The following MTMR6 variants were observed in gnomAD, a reference collection of about 807,000 sequenced individuals.
MTMR6 encodes myotubularin related protein 6, also known as phosphatidylinositol-3,5-bisphosphate 3-phosphatase MTMR6.
MTMR6 carries 47 observed loss-of-function variants against 80.1 expected under a neutral mutation model. That is an observed-to-expected ratio of 0.59 (90% CI 0.46 to 0.75). MTMR6 has a LOEUF of 0.75. Among genes scored for constraint, MTMR6 ranks in the 30% least tolerant of loss-of-function variants. The pLI is 0.00. For missense variants in MTMR6, 629 were observed against 730.9 expected, an observed-to-expected ratio of 0.86 and a Z score of 1.61; for synonymous variants, 254 against 253.0, an observed-to-expected ratio of 1.00 and a Z score of -0.04.
chr13:25,254,174 A>G (rs1416032996), intron 10 of MTMR6, among the ~76,000 whole-genome samples: 1 of 152,244 alleles, frequency 6.6e-6, no homozygotes, highest in Non-Finnish European at 1.5e-5. Context: ...CCCAAAAGGA[A>G]GGTAATAAAT....
intron 1 of MTMR6, among the ~76,000 whole-genome samples, chr13:25,277,233 A>G (rs1957745968): frequency 6.6e-6 from 1 of 152,168 alleles, no homozygotes; most frequent in African/African-American, 2.4e-5. Flanking sequence ...CCAACATTCA[A>G]TCAATCACCA....
intron 2 of MTMR6, among the ~76,000 whole-genome samples, chr13:25,271,956 T>C (rs765871023): frequency 1.3e-5 from 2 of 152,104 alleles, no homozygotes; most frequent in Non-Finnish European, 2.9e-5. Context: ...CTATAGTCAA[T>C]AAAACAGTGT....
rs1462694677 is a variant in MTMR6 at position 25,253,751 on chromosome 13, T to C, written c.1346+13A>G. On this transcript the variant is annotated intron_variant, in intron 11 of 13. Transcript: ENST00000381801. The stretch of plus-strand genomic sequence containing the variant: ...AGGGGGAAAAGGAGACTCTTTTAAT[T>C]GAATCATCTTACTTGAGCTCTTCTC... 6.2e-7 allele frequency: 1 copy of C among 1,609,828 alleles called. No individual in the cohort carries two copies. Among genetic ancestry groups the C allele is most frequent in the Non-Finnish European group, 8.5e-7 (1 of 1,177,032 alleles).
At chr13:25,264,459 G>A (rs1957408663) in intron 5 of MTMR6, among the ~76,000 whole-genome samples, 1 of 151,914 alleles carries the variant, frequency 6.6e-6, no homozygotes, top group Non-Finnish European at 1.5e-5. Flanking sequence ...ACATTACTGT[G>A]AAATTTCAGA....
chr13:25,260,729 G>C, intron 6 of MTMR6: 1 of 1,019,202 alleles, frequency 9.8e-7, no homozygotes, highest in South Asian at 1.6e-5. Context: ...TTACCACTGA[G>C]GATTTTAATT....
Sources: allele counts gnomAD v4.1 joint callset (sites outside exome capture counted in the v4.1 genomes callset), GRCh38; gene constraint gnomAD v4.1.1; transcripts MANE v1.5; gene names NCBI Gene and HGNC (gene_info 2026-07-23, HGNC 2026-07-21).